JPH3: variants seen among roughly 807,000 people sequenced by gnomAD.
JPH3 encodes junctophilin 3, also known as junctophilin-3.
JPH3 carries 11 observed loss-of-function variants against 59.6 expected under a neutral mutation model. The ratio of observed to expected loss-of-function variants is 0.18; its 90% CI spans 0.12 to 0.31. JPH3 has a LOEUF of 0.31. JPH3 is among the 10% of genes least tolerant of loss of function. The probability of loss-of-function intolerance (pLI) is 1.00; values close to 1 mark genes in which losing one functional copy is unlikely to be tolerated. For synonymous variants in JPH3, 673 were observed against 483.6 expected (o/e 1.39, Z -5.14); for missense variants, 1,202 against 1,105.7 (o/e 1.09, Z -1.24).
chr16:87,661,697 C>T (rs759620755), intron 2 of JPH3, among the ~76,000 whole-genome samples: 6 of 152,234 alleles, frequency 3.9e-5, no homozygotes, highest in Admixed American at 1.3e-4. Flanking sequence ...AGCAAAGACC[C>T]GTCCAAGAGC....
intron 2 of JPH3, among the ~76,000 whole-genome samples, chr16:87,653,067 T>TGG (rs1555538338): frequency 1.3e-5 from 2 of 150,396 alleles, no homozygotes; most frequent in African/African-American, 5.0e-5. Context: ...AGTCAGTGCC[T>TGG]GCGGGGGGGA....
intron 1 of JPH3, chr16:87,604,666 G>A (rs1252775453): frequency 1.2e-5 from 14 of 1,159,422 alleles, no homozygotes; most frequent in Non-Finnish European, 1.5e-5. Flanking sequence ...CGCTGCCTCC[G>A]AGTCTCATGA....
chr16:87,672,666 G>C (rs1330107905), intron 2 of JPH3, among the ~76,000 whole-genome samples: 1 of 152,262 alleles, frequency 6.6e-6, no homozygotes, highest in African/African-American at 2.4e-5. Flanking sequence ...AGTCGCAGCA[G>C]GCGTAGACCA....
intron 1 of JPH3, among the ~76,000 whole-genome samples, chr16:87,641,228 T>G (rs1214116307): frequency 1.3e-5 from 2 of 152,178 alleles, no homozygotes; most frequent in African/African-American, 4.8e-5. Flanking sequence ...ACATCCCTGC[T>G]TGCCCGGCTC....
intron 1 of JPH3, among the ~76,000 whole-genome samples, chr16:87,619,059 G>T (rs866092365): frequency 8.1e-5 from 12 of 147,300 alleles, no homozygotes; most frequent in Middle Eastern, 3.5e-3. Context: ...CTGCACTCTA[G>T]CCTGGGCAAC....
chr16:87,673,324 A>C (rs79021159), intron 2 of JPH3, among the ~76,000 whole-genome samples: 3 of 151,838 alleles, frequency 2.0e-5, no homozygotes, highest in East Asian at 1.9e-4. Flanking sequence ...ATTTAAAAAA[A>C]AAAACTGATC....
chr16:87,689,522 T>C (rs2033503956), intron 3 of JPH3, 124 bp from the exon 4 acceptor site: 1 of 1,046,024 alleles, frequency 9.6e-7, no homozygotes, highest in Non-Finnish European at 1.4e-6. Context: ...CTGCAGCCTT[T>C]CGGTGAGTGG....
intron 1 of JPH3, among the ~76,000 whole-genome samples, chr16:87,617,245 CA>C (rs1201904663): frequency 1.3e-5 from 2 of 152,038 alleles, no homozygotes; most frequent in African/African-American, 2.4e-5. Flanking sequence ...AACAACAAAC[CA>C]AAAAACCAAA....
intron 1 of JPH3, among the ~76,000 whole-genome samples, chr16:87,613,166 G>A (rs1177697036): frequency 8.5e-5 from 12 of 140,952 alleles, no homozygotes; most frequent in African/African-American, 2.1e-4. Context: ...GCGCGATCTC[G>A]GCTCACTGCA....
rs199869682 is a variant in JPH3 at position 87,690,281 on chromosome 16, G to T, written c.1921G>T (p.Asp641Tyr). ...SKGGACRGLG[D>Y]DHRPEDRGFG... is the part of the protein sequence containing the mutation. ...GGGCGGCGCCTGCCGGGGCTTGGGG[G>T]ACGACCACCGCCCCGAGGACCGGGG... The change falls in exon 4 of 5, where the codon GAC becomes TAC. Residue 641 changes from aspartate (D) to tyrosine (Y), a missense_variant. Coordinates refer to ENST00000284262, the MANE Select transcript of JPH3 (RefSeq NM_020655.4). 4.2e-5 allele frequency: 68 copies of T among 1,600,436 alleles called. No homozygotes were observed. The East Asian group carries it at 1.3e-3, about 30-fold the overall frequency.
At chr16:87,632,172 C>T (rs760842729) in intron 1 of JPH3, among the ~76,000 whole-genome samples, 1 of 152,206 alleles carries the variant, frequency 6.6e-6, no homozygotes, top group Admixed American at 6.5e-5. Flanking sequence ...CCACCTCTCT[C>T]CTGGATAAAG....
In JPH3 at chr16:87,603,091, G is replaced by A. The variant is rs2030321971; in HGVS notation, c.-56G>A. 6.2e-7 allele frequency: 1 copy of A among 1,611,764 alleles called. No homozygotes were observed. The highest frequency in any genetic ancestry group is 1.7e-4 in the Middle Eastern group (1 of 6,046). On this transcript the variant is annotated 5_prime_UTR_variant, in exon 1 of 5. Transcript: ENST00000284262. ...CCGCCGGCGGCCGCGACTCTGCTGTGTCGATCGCCTGAGTCCGTTTTCACC... is the reference window on the plus strand; with the variant it reads ...CCGCCGGCGGCCGCGACTCTGCTGTATCGATCGCCTGAGTCCGTTTTCACC...
chr16:87,640,953 C>G (rs1213239185), intron 1 of JPH3, among the ~76,000 whole-genome samples: 5 of 152,184 alleles, frequency 3.3e-5, no homozygotes, highest in African/African-American at 1.2e-4. Flanking sequence ...AGGGCCACCC[C>G]CTGAGACCCA....
At position 87,602,556 on chromosome 16, in the gene JPH3, C is replaced by CGCCACCGCCGCT. The variant is rs2030268110; in HGVS notation, c.-588_-587insACCGCCGCTGCC. ...CGCACGCCGCCGCCGCCACCGCCGC[C>CGCCACCGCCGCT]GCCGCCGCCCGAGCCGCCGCATTGC... On this transcript the variant is annotated 5_prime_UTR_variant, in exon 1 of 5. Coordinates refer to ENST00000284262, the MANE Select transcript of JPH3 (RefSeq NM_020655.4). 1.4e-5 allele frequency among the ~76,000 whole-genome samples: 2 copies of CGCCACCGCCGCT among 140,696 alleles called. No individual in the cohort carries two copies. The highest frequency in any genetic ancestry group is 1.4e-4 in the Admixed American group (2 of 14,456). The allele number at this position is 140,696 out of a possible 152,430, so 92.3% of individuals were successfully genotyped here. A position where few individuals can be genotyped will look rare whatever the true frequency, so the allele number is the denominator to read the frequency against.
At chr16:87,642,366 C>G (rs560456927) in intron 1 of JPH3, among the ~76,000 whole-genome samples, 5 of 152,328 alleles carry the variant, frequency 3.3e-5, no homozygotes, top group Non-Finnish European at 5.9e-5. Flanking sequence ...GCTGCCAGCT[C>G]CTGTCCATTT....
chr16:87,691,981 A>G (rs1207774164), intron 4 of JPH3, among the ~76,000 whole-genome samples: 2 of 152,156 alleles, frequency 1.3e-5, no homozygotes, highest in Admixed American at 6.5e-5. Flanking sequence ...CCTGGGGGTC[A>G]ATGCACAAGC....
At position 87,659,030 on chromosome 16, in the gene JPH3, G is replaced by A. The variant is rs541047241; in HGVS notation, c.1160+13995G>A. 2.8e-3 allele frequency among the ~76,000 whole-genome samples: 432 copies of A among 152,314 alleles called. 1 individual carries two copies. Among genetic ancestry groups the A allele is most frequent in the African/African-American group, 9.8e-3 (406 of 41,564 alleles). ...TCACTTAGTCTGGGACAGCTGCGGCGGCCACAGCGAAAGCCATGCAGCCTG... is the reference window on the plus strand; with the variant it reads ...TCACTTAGTCTGGGACAGCTGCGGCAGCCACAGCGAAAGCCATGCAGCCTG... On this transcript the variant is annotated intron_variant, in intron 2 of 4. Transcript: ENST00000284262.
rs144403955 is a variant in JPH3, at chr16:87,644,696, C to T, written c.821C>T (p.Ala274Val). ...CTGGGCGAGGCTGAGGCCGAGCTGGCGGTCATCGAGGACGACATCGACGCC... is the reference window on the plus strand; with the variant it reads ...CTGGGCGAGGCTGAGGCCGAGCTGGTGGTCATCGAGGACGACATCGACGCC... ...ISLGEAEAEL[A>V]VIEDDIDATT... is the part of the protein sequence containing the mutation. The change falls in exon 2 of 5, where the codon GCG becomes GTG. Residue 274 changes from alanine to valine, a missense_variant. Physicochemically the swap from Ala to Val is moderately conservative, Grantham distance 64. Coordinates refer to ENST00000284262, the MANE Select transcript of JPH3 (RefSeq NM_020655.4). 2,040 of 1,612,054 alleles carry T rather than the reference C, an allele frequency of 1.3e-3. 8 individuals carry two copies. The highest frequency in any genetic ancestry group is 4.8e-3 in the Middle Eastern group (29 of 6,062).
rs140147950 is a variant in JPH3 at position 87,681,718 on chromosome 16, A to G, written c.1161-2424A>G. Among the ~76,000 whole-genome samples, 493 of 152,148 alleles carry G rather than the reference A, an allele frequency of 3.2e-3. 1 individual carries two copies. The highest frequency in any genetic ancestry group is 0.011 in the African/African-American group (468 of 41,490). On this transcript the variant is annotated intron_variant, in intron 2 of 4. Transcript: ENST00000284262. ...ATGCGGTGATTGTTCCGGAAGGTCA[A>G]GTGCATGTGGTCATAGTTCCAGAAG...
Sources: gnomAD v4.1 joint callset for allele counts (sites outside exome capture counted in the v4.1 genomes callset) on GRCh38, gnomAD v4.1.1 for gene constraint, MANE v1.5 for transcripts, NCBI Gene and HGNC (gene_info 2026-07-23, HGNC 2026-07-21) for gene names.